PRELID2: variants seen among roughly 807,000 people sequenced by gnomAD.
PRELID2 encodes the protein PRELI domain containing 2.
Under a neutral mutation model 28.4 loss-of-function variants are expected in PRELID2, and 25 were observed. The ratio of observed to expected loss-of-function variants is 0.88; its 90% CI spans 0.64 to 1.23. The LOEUF (loss-of-function observed/expected upper bound fraction) is 1.23, where lower values mean the gene tolerates loss of function less well. Among genes scored for constraint, PRELID2 ranks in the 50% most tolerant of loss-of-function variants. The pLI is 0.00. For missense variants in PRELID2, 201 were observed against 214.4 expected (o/e 0.94, Z 0.39); for synonymous variants, 76 against 71.6 (o/e 1.06, Z -0.31).
intron 1 of PRELID2, among the ~76,000 whole-genome samples, chr5:145,617,475 G>A (rs62394212): frequency 0.036 from 5,517 of 152,244 alleles, 209 homozygotes; most frequent in African/African-American, 0.09. Context: ...TGCTCCCTCC[G>A]TTCGGGGTTC....
the PRELID2 span, among the ~76,000 whole-genome samples, chr5:145,411,178 C>A: frequency 2.0e-5 from 3 of 152,110 alleles, no homozygotes; most frequent in Non-Finnish European, 4.4e-5. Context: ...GCTGGGGAAG[C>A]CTGACAATCA....
chr5:145,512,099 G>A (rs969643688), intron 1 of PRELID2, among the ~76,000 whole-genome samples: 1 of 152,124 alleles, frequency 6.6e-6, no homozygotes, highest in Non-Finnish European at 1.5e-5. Context: ...ACTGAGATCA[G>A]GAGTCATCAA....
chr5:145,722,956 C>A (rs2436343), intron 1 of PRELID2, among the ~76,000 whole-genome samples: 1 of 152,014 alleles, frequency 6.6e-6, no homozygotes, highest in South Asian at 2.1e-4. Flanking sequence ...GAAATTTGAC[C>A]AAACTATCAA....
the PRELID2 span, among the ~76,000 whole-genome samples, chr5:145,351,817 C>G: frequency 1.3e-5 from 2 of 152,164 alleles, no homozygotes; most frequent in East Asian, 3.9e-4. Flanking sequence ...TATACCCATT[C>G]CAAATGGGGG....
chr5:145,798,170 A>G (rs944642951), intron 4 of PRELID2, among the ~76,000 whole-genome samples: 1 of 151,956 alleles, frequency 6.6e-6, no homozygotes, highest in African/African-American at 2.4e-5. Context: ...GAAATTATTG[A>G]GTCAGGAACC....
chr5:145,378,290 T>C, the PRELID2 span, among the ~76,000 whole-genome samples: 25 of 152,286 alleles, frequency 1.6e-4, no homozygotes, highest in South Asian at 5.2e-3. Flanking sequence ...TTGAAGTATC[T>C]TACAGGGTTC....
the PRELID2 span, among the ~76,000 whole-genome samples, chr5:145,294,688 A>G: frequency 6.6e-6 from 1 of 152,196 alleles, no homozygotes; most frequent in Non-Finnish European, 1.5e-5. Flanking sequence ...TGTAACTTGT[A>G]TAAGAAACTT....
At chr5:145,244,145 G>C in the PRELID2 span, among the ~76,000 whole-genome samples, 2 of 152,012 alleles carry the variant, frequency 1.3e-5, no homozygotes, top group African/African-American at 4.8e-5. Context: ...AGTAGAGACG[G>C]GGTTTCAGTA....
At chr5:145,519,666 A>G (rs1752546910) in intron 1 of PRELID2, among the ~76,000 whole-genome samples, 1 of 152,220 alleles carries the variant, frequency 6.6e-6, no homozygotes. Flanking sequence ...GCAAGAATCT[A>G]GTACAGGAAA....
chr5:145,383,648 G>T, the PRELID2 span, among the ~76,000 whole-genome samples: 1 of 149,548 alleles, frequency 6.7e-6, no homozygotes, highest in African/African-American at 2.4e-5. Context: ...TCAACTTTTA[G>T]CTCACACCAT....
chr5:145,707,444 C>T (rs922437036), intron 1 of PRELID2, among the ~76,000 whole-genome samples: 7 of 152,138 alleles, frequency 4.6e-5, no homozygotes, highest in Non-Finnish European at 1.0e-4. Flanking sequence ...TAATAAACCA[C>T]AATAGAGAAT....
intron 1 of PRELID2, among the ~76,000 whole-genome samples, chr5:145,512,053 C>A (rs1752465830): frequency 6.6e-6 from 1 of 152,116 alleles, no homozygotes. Flanking sequence ...AAGAGGGAAT[C>A]AGCAATGAAT....
chr5:145,428,273 C>A, the PRELID2 span, among the ~76,000 whole-genome samples: 1 of 152,138 alleles, frequency 6.6e-6, no homozygotes, highest in African/African-American at 2.4e-5. Flanking sequence ...AATTCAATTT[C>A]TACTTCTATT....
At chr5:145,411,806 A>T in the PRELID2 span, among the ~76,000 whole-genome samples, 1 of 152,206 alleles carries the variant, frequency 6.6e-6, no homozygotes, top group Admixed American at 6.5e-5. Context: ...GGACATCTAG[A>T]CATTCCCATA....
chr5:145,373,342 T>G, the PRELID2 span, among the ~76,000 whole-genome samples: 5 of 101,236 alleles, frequency 4.9e-5, no homozygotes, highest in South Asian at 3.3e-4. Flanking sequence ...CGATATATAT[T>G]ACAACATATA....
At chr5:145,799,525 G>A (rs995652028) in intron 4 of PRELID2, among the ~76,000 whole-genome samples, 1 of 152,116 alleles carries the variant, frequency 6.6e-6, no homozygotes, top group Non-Finnish European at 1.5e-5. Flanking sequence ...GTGGGAGTGT[G>A]TCAGCAATTG....
intron 1 of PRELID2, among the ~76,000 whole-genome samples, chr5:145,732,534 CA>C (rs1214060923): frequency 6.6e-6 from 1 of 152,078 alleles, no homozygotes; most frequent in Non-Finnish European, 1.5e-5. Flanking sequence ...ACCTAGAAAC[CA>C]AAATTTTAAT....
chr5:145,235,073 T>C, the PRELID2 span, among the ~76,000 whole-genome samples: 1 of 152,106 alleles, frequency 6.6e-6, no homozygotes, highest in Non-Finnish European at 1.5e-5. Context: ...ATGCAGGAAG[T>C]GAAGATAGAT....
At chr5:145,319,680 AAAATAAATAAATAAAT>A in the PRELID2 span, among the ~76,000 whole-genome samples, 3,394 of 144,610 alleles carry the variant, frequency 0.023, 112 homozygotes, top group African/African-American at 0.082. Flanking sequence ...CTCCATCTCA[AAAATAAATAAATAAAT>A]AAATAAATAA....
Sources: gnomAD v4.1 joint callset for allele counts (sites outside exome capture counted in the v4.1 genomes callset) on GRCh38, gnomAD v4.1.1 for gene constraint, MANE v1.5 for transcripts, NCBI Gene and HGNC (gene_info 2026-07-23, HGNC 2026-07-21) for gene names.